ACOX1: variants seen among roughly 807,000 people sequenced by gnomAD.
ACOX1 encodes acyl-CoA oxidase 1.
A neutral mutation model predicts 75.5 loss-of-function variants in ACOX1; 41 were observed. That is an observed-to-expected ratio of 0.54 (90% CI 0.42 to 0.70). ACOX1 has a LOEUF of 0.70. Ranked by LOEUF, ACOX1 falls within the 30% of genes least tolerant of loss-of-function variation. The pLI, the probability that ACOX1 is intolerant of heterozygous loss-of-function variation, is 0.00. For synonymous variants in ACOX1, 303 were observed against 298.8 expected, an observed-to-expected ratio of 1.01 and a Z score of -0.15; for missense variants, 630 against 837.5, an observed-to-expected ratio of 0.75 and a Z score of 3.06.
chr17:75,967,884 G>T (rs1325674175), intron 2 of ACOX1, among the ~76,000 whole-genome samples: 1 of 150,118 alleles, frequency 6.7e-6, no homozygotes, highest in African/African-American at 2.4e-5. Flanking sequence ...AGAATTACAG[G>T]TGCCGCCACC....
chr17:75,944,342 A>C lies in ACOX1; in HGVS notation c.*2406T>G, dbSNP rs879860656. ...AAAATTTTGAATCCAACAGACCCAA[A>C]CTTGTCAGTGGCAGTCTAGTGTGGT... On this transcript the variant is annotated 3_prime_UTR_variant, in exon 14 of 14. Transcript: ENST00000293217. The C allele has an allele frequency of 2.0e-5, 3 of 152,182 alleles. No individual in the cohort carries two copies. The highest frequency in any genetic ancestry group is 4.4e-5 in the Non-Finnish European group (3 of 68,026). The allele number at this position is 152,182 out of a possible 1,614,324, so 9.4% of individuals were successfully genotyped here. A position where few individuals can be genotyped will look rare whatever the true frequency, so the allele number is the denominator to read the frequency against.
intron 4 of ACOX1, among the ~76,000 whole-genome samples, chr17:75,956,969 CTCTATATATATATATATATATATATA>C (rs2065836891): frequency 2.2e-4 from 2 of 9,038 alleles, no homozygotes; most frequent in South Asian, 6.9e-3. Flanking sequence ...CTCTCTCTCT[CTCTATATATATATATATATATATATA>C]TATATATATA....
In ACOX1 at chr17:75,965,337, C is replaced by CAAAAAAAAAAAAAAAAAAAA; in HGVS notation, c.270-4963_270-4962insTTTTTTTTTTTTTTTTTTTT. On this transcript the variant is annotated intron_variant, in intron 2 of 13. Coordinates refer to ENST00000293217, the MANE Select transcript of ACOX1 (RefSeq NM_004035.7). ...TGGGCGACAGAGCGAGACTCTGTCT[C>CAAAAAAAAAAAAAAAAAAAA]AAAAAAAAAAAAAAAAAACCCAGAA... Among the ~76,000 whole-genome samples, 2 of 81,702 alleles carry CAAAAAAAAAAAAAAAAAAAA rather than the reference C, an allele frequency of 2.4e-5. 1 individual carries two copies. Among genetic ancestry groups the CAAAAAAAAAAAAAAAAAAAA allele is most frequent in the South Asian group, 8.6e-4 (2 of 2,322 alleles). 53.6% of individuals were successfully genotyped at this position (81,702 alleles called of 152,430 possible).
intron 2 of ACOX1, among the ~76,000 whole-genome samples, chr17:75,967,801 C>T (rs2065952859): frequency 6.7e-6 from 1 of 149,886 alleles, no homozygotes; most frequent in Non-Finnish European, 1.5e-5. Flanking sequence ...AGTGCAGTGG[C>T]ACGATCTCGG....
At chr17:75,965,337 C>CAAAAAAAAAAAAAAAAAAAAAAAAAAAAA (rs11293371) in intron 2 of ACOX1, among the ~76,000 whole-genome samples, 6 of 81,702 alleles carry the variant, frequency 7.3e-5, no homozygotes, top group African/African-American at 1.2e-4. Context: ...GACTCTGTCT[C>CAAAAAAAAAAAAAAAAAAAAAAAAAAAAA]AAAAAAAAAA....
At chr17:75,951,134 T>C (rs2065770558) in intron 8 of ACOX1, among the ~76,000 whole-genome samples, 170 bp from the exon 9 acceptor site, 1 of 152,164 alleles carries the variant, frequency 6.6e-6, no homozygotes, top group African/African-American at 2.4e-5. Context: ...TACAGAACAC[T>C]ACCCATGCCC....
chr17:75,976,626 TAAAC>T (rs1836634189), intron 2 of ACOX1, among the ~76,000 whole-genome samples: 1 of 152,120 alleles, frequency 6.6e-6, no homozygotes, highest in Non-Finnish European at 1.5e-5. Context: ...CAAAAATAAA[TAAAC>T]AAAATTTTTT....
chr17:75,978,415 G>A lies in ACOX1; in HGVS notation c.269+119C>T. 7.3e-7 allele frequency: 1 copy of A among 1,362,852 alleles called. No homozygotes were observed. The highest frequency in any genetic ancestry group is 2.3e-5 in the East Asian group (1 of 43,306). 84.4% of individuals were successfully genotyped at this position (1,362,852 alleles called of 1,614,324 possible). On this transcript the variant is annotated intron_variant, in intron 2 of 13. Coordinates refer to ENST00000293217, the MANE Select transcript of ACOX1 (RefSeq NM_004035.7). This position sits in a 1 kb window ranked among gnomAD's most constrained non-coding sequence, Gnocchi z 4.2. ...GCCACACATATAACTTTATAAAGTT[G>A]CATGAAAATATGCCAGTTTGCATCT...
Position 75,967,613 on chromosome 17 carries a change from TAC to T in ACOX1, c.270-7240_270-7239del, listed in dbSNP as rs1236138474. Among the ~76,000 whole-genome samples, 172 of 138,210 alleles carry T rather than the reference TAC, an allele frequency of 1.2e-3. 3 individuals carry two copies. The highest frequency in any genetic ancestry group is 4.6e-3 in the African/African-American group (155 of 34,064). 90.7% of individuals were successfully genotyped at this position (138,210 alleles called of 152,430 possible). A position where few individuals can be genotyped will look rare whatever the true frequency, so the allele number is the denominator to read the frequency against. On this transcript the variant is annotated intron_variant, in intron 2 of 13. Coordinates refer to ENST00000293217, the MANE Select transcript of ACOX1 (RefSeq NM_004035.7). The stretch of plus-strand genomic sequence containing the variant: ...TAAAAAATCGAAATATATATATATA[TAC>T]ATACATATATATATACATACATATA...
intron 6 of ACOX1, among the ~76,000 whole-genome samples, chr17:75,953,988 G>A (rs1487740332): frequency 1.3e-5 from 2 of 152,232 alleles, no homozygotes; most frequent in Non-Finnish European, 2.9e-5. Flanking sequence ...GGAGGCCAAG[G>A]CAGACAGATC....
Position 75,978,590 on chromosome 17 carries a change from C to T in ACOX1, c.213G>A (p.Val71=). ...CGATGCCAAACTCCCTCATCTTCTT[C>T]ACCATGATGGCACTTTTCCTGACAG... ...EVAVRKSAIM[V]KKMREFGIAD... Residue 71 remains valine (V), a synonymous_variant, in exon 2 of 14, where the codon GTG becomes GTA. Coordinates refer to ENST00000293217, the MANE Select transcript of ACOX1 (RefSeq NM_004035.7). The surrounding 1 kb of genome is among the most constrained non-coding windows in gnomAD (Gnocchi z 4.2). 1 of 1,614,216 alleles carries T rather than the reference C, an allele frequency of 6.2e-7. No individual in the cohort carries two copies. The highest frequency in any genetic ancestry group is 8.5e-7 in the Non-Finnish European group (1 of 1,180,048).
Position 75,942,429 on chromosome 17 carries a change from CAAAAAAAAAAAA to C in ACOX1, c.*4307_*4318del, listed in dbSNP as rs35173085. On this transcript the variant is annotated 3_prime_UTR_variant, in exon 14 of 14. Coordinates refer to ENST00000293217, the MANE Select transcript of ACOX1 (RefSeq NM_004035.7). Reference sequence around the variant, plus strand: ...TGGGTGAAAGAGCAAGACAACGTCTCAAAAAAAAAAAAAAAAAAAAAAGCAAAACCCCACCAT... The same window carrying C: ...TGGGTGAAAGAGCAAGACAACGTCTCAAAAAAAAAAGCAAAACCCCACCAT... 1 of 66,634 alleles carries C rather than the reference CAAAAAAAAAAAA, an allele frequency of 1.5e-5. No individual in the cohort carries two copies. Among genetic ancestry groups the C allele is most frequent in the Admixed American group, 1.8e-4 (1 of 5,440 alleles). 4.1% of individuals were successfully genotyped at this position (66,634 alleles called of 1,614,324 possible).
In ACOX1 at chr17:75,949,510, A is replaced by G; in HGVS notation, c.1569T>C (p.Leu523=). Residue 523 remains leucine (L), a synonymous_variant, in exon 11 of 14, where the codon CTT becomes CTC. Coordinates refer to ENST00000293217, the MANE Select transcript of ACOX1 (RefSeq NM_004035.7). ...EVAWNLTSVD[L]VRASEAHCHY... ...TACCACTGACCTCACTTGCTCGAAC[A>G]AGGTCAACAGAAGTTAGGTTCCAAG... is the stretch of plus-strand genomic sequence containing the variant. The G allele has an allele frequency of 6.2e-7, 1 of 1,614,212 alleles. No individual in the cohort carries two copies. The highest frequency in any genetic ancestry group is 8.5e-7 in the Non-Finnish European group (1 of 1,180,018).
chr17:75,957,494 G>C lies in ACOX1; in HGVS notation c.503C>G (p.Pro168Arg). ...CCACCATTTAATGGAGGTCACAGTA[G>C]GACTGTTGAGAATGAACTCCTGGGT... ...PETQEFILNS[P>R]TVTSIKWWPG... The change falls in exon 4 of 14, where the codon CCT becomes CGT. Residue 168 changes from proline to arginine, a missense_variant. This residue lies in a region of ACOX1 where 390 missense variants were observed against 574.9 expected (regional missense o/e 0.68). Coordinates refer to ENST00000293217, the MANE Select transcript of ACOX1 (RefSeq NM_004035.7). The C allele has an allele frequency of 6.2e-7, 1 of 1,614,126 alleles. No individual in the cohort carries two copies. The highest frequency in any genetic ancestry group is 8.5e-7 in the Non-Finnish European group (1 of 1,179,996).
intron 8 of ACOX1, 96 bp from the exon 9 acceptor site, chr17:75,951,060 T>A: frequency 7.8e-7 from 1 of 1,289,794 alleles, no homozygotes; most frequent in Non-Finnish European, 1.1e-6. Flanking sequence ...TCTTGGCCAC[T>A]GTCAAAACAC....
intron 9 of ACOX1, 69 bp from the exon 10 acceptor site, chr17:75,949,966 A>T: frequency 1.3e-6 from 2 of 1,560,610 alleles, no homozygotes; most frequent in South Asian, 1.1e-5. Flanking sequence ...ATGGAGTTTC[A>T]TTCTTGTTGC....
rs1245698179 is a variant in ACOX1, at chr17:75,942,666, T to C, written c.*4082A>G. ...AGTTTCCTGGCACTCCTCCTCTCTC[T>C]AGCTGTAGTAGCAGCTACTGCTTGA... On this transcript the variant is annotated 3_prime_UTR_variant, in exon 14 of 14. Transcript: ENST00000293217. 6.6e-6 allele frequency: 1 copy of C among 152,058 alleles called. No individual in the cohort carries two copies. The highest frequency in any genetic ancestry group is 1.9e-4 in the East Asian group (1 of 5,184). 9.4% of individuals were successfully genotyped at this position (152,058 alleles called of 1,614,324 possible).
intron 2 of ACOX1, among the ~76,000 whole-genome samples, chr17:75,969,227 C>T (rs1322983634): frequency 1.3e-5 from 2 of 152,168 alleles, no homozygotes; most frequent in African/African-American, 2.4e-5. Flanking sequence ...AGCGCAATGG[C>T]GCAATCTCAG....
At chr17:75,968,428 T>C (rs1598195626) in intron 2 of ACOX1, among the ~76,000 whole-genome samples, 1 of 50,534 alleles carries the variant, frequency 2.0e-5, no homozygotes, top group Non-Finnish European at 3.3e-5. Flanking sequence ...AGAGCGAGAC[T>C]CCGTCTCAAA....
Sources: allele counts gnomAD v4.1 joint callset (sites outside exome capture counted in the v4.1 genomes callset), GRCh38; gene constraint gnomAD v4.1.1; regional missense constraint gnomAD v4.1.1; non-coding constraint Gnocchi (gnomAD v3.1); transcripts MANE v1.5; gene names NCBI Gene and HGNC (gene_info 2026-07-23, HGNC 2026-07-21).